Variants in LIPI observed in about 807,000 individuals in gnomAD.
LIPI encodes the protein lipase I, also known as lipase member I.
A neutral mutation model predicts 50.6 loss-of-function variants in LIPI; 59 were observed. That is an observed-to-expected ratio of 1.16 (90% CI 0.94 to 1.45). The LOEUF is 1.45. Ranked by LOEUF, LIPI falls within the 40% of genes most tolerant of loss-of-function variation. The probability of loss-of-function intolerance (pLI) is 0.00; values close to 1 mark genes in which losing one functional copy is unlikely to be tolerated. For synonymous variants in LIPI, 203 were observed against 178.2 expected, an observed-to-expected ratio of 1.14 and a Z score of -1.11; for missense variants, 586 against 536.3, an observed-to-expected ratio of 1.09 and a Z score of -0.92.
In LIPI at chr21:14,108,858, AT is replaced by A; in HGVS notation, c.*134del. 1 of 1,016,704 alleles carries A rather than the reference AT, an allele frequency of 9.8e-7. No individual in the cohort carries two copies. Among genetic ancestry groups the A allele is most frequent in the South Asian group, 1.5e-5 (1 of 68,116 alleles). 63.0% of individuals were successfully genotyped at this position (1,016,704 alleles called of 1,614,324 possible). ...GCATTTTTTATTTTCTTTATTTTTGATTCTTAAAATTTTTTCCAAGAAATAG... is the reference window on the plus strand; with the variant it reads ...GCATTTTTTATTTTCTTTATTTTTGATCTTAAAATTTTTTCCAAGAAATAG... On this transcript the variant is annotated 3_prime_UTR_variant, in exon 10 of 10. Transcript: ENST00000681601.
At chr21:14,175,765 G>C (rs1321376118) in intron 4 of LIPI, among the ~76,000 whole-genome samples, 1 of 152,082 alleles carries the variant, frequency 6.6e-6, no homozygotes, top group Admixed American at 6.6e-5. Context: ...AACAGAACCA[G>C]GTAATTACTG....
chr21:14,123,971 C>T (rs781669675), intron 9 of LIPI, among the ~76,000 whole-genome samples: 12 of 152,124 alleles, frequency 7.9e-5, no homozygotes, highest in Non-Finnish European at 1.5e-4. Context: ...TGCCAGAATG[C>T]GGAGGTTGGC....
intron 9 of LIPI, 189 bp downstream of exon 9, chr21:14,144,434 C>T: frequency 4.6e-6 from 2 of 430,478 alleles, no homozygotes; most frequent in Non-Finnish European, 8.4e-6. Context: ...AATGAGATTC[C>T]CAAATAAATT....
At chr21:14,168,785 G>A (rs2018786157) in intron 4 of LIPI, among the ~76,000 whole-genome samples, 1 of 152,118 alleles carries the variant, frequency 6.6e-6, no homozygotes, top group Admixed American at 6.6e-5. Flanking sequence ...AGACCACTGA[G>A]GCTAGGAAGA....
chr21:14,189,644 A>C (rs1404188263), intron 1 of LIPI, among the ~76,000 whole-genome samples: 1 of 152,218 alleles, frequency 6.6e-6, no homozygotes, highest in Non-Finnish European at 1.5e-5. Context: ...TGGTTAAAAA[A>C]TTAAGAAGAG....
At chr21:14,172,832 A>T (rs1313338336) in intron 4 of LIPI, among the ~76,000 whole-genome samples, 1 of 152,154 alleles carries the variant, frequency 6.6e-6, no homozygotes, top group East Asian at 1.9e-4. Flanking sequence ...TAACCTGCAC[A>T]TTGTGCACAT....
At chr21:14,146,065 G>T (rs896064296) in intron 8 of LIPI, among the ~76,000 whole-genome samples, 1 of 152,136 alleles carries the variant, frequency 6.6e-6, no homozygotes, top group East Asian at 1.9e-4. Flanking sequence ...AGATAGGAAT[G>T]TGTTATCTTT....
intron 7 of LIPI, among the ~76,000 whole-genome samples, chr21:14,153,705 C>T (rs2822435): frequency 0.17 from 26,605 of 152,058 alleles, 2,378 homozygotes; most frequent in Middle Eastern, 0.21. Context: ...GAAGTGTCAA[C>T]CTCCATGCAG....
At chr21:14,189,790 C>T (rs1310023453) in intron 1 of LIPI, among the ~76,000 whole-genome samples, 2 of 151,920 alleles carry the variant, frequency 1.3e-5, no homozygotes, top group Non-Finnish European at 2.9e-5. Flanking sequence ...AGTCCTTGTA[C>T]AATAAGCATT....
intron 6 of LIPI, 66 bp from the exon 7 acceptor site, chr21:14,163,589 T>G: frequency 1.2e-6 from 1 of 811,122 alleles, no homozygotes; most frequent in Middle Eastern, 2.3e-4. Flanking sequence ...GTCAAATCAC[T>G]AAAGTAACTA....
chr21:14,199,606 CAA>C (rs199532907), intron 1 of LIPI, among the ~76,000 whole-genome samples: 2 of 137,472 alleles, frequency 1.5e-5, no homozygotes, highest in Admixed American at 7.3e-5. Context: ...GCCTACCAAC[CAA>C]AAAAAAAAAG....
chr21:14,195,479 T>C (rs1356652993), intron 1 of LIPI, among the ~76,000 whole-genome samples: 1 of 152,160 alleles, frequency 6.6e-6, no homozygotes, highest in African/African-American at 2.4e-5. Context: ...AGAGTCATCC[T>C]CCTTCTCTCA....
At position 14,189,437 on chromosome 21, in the gene LIPI, CAGTCAAGCTG is replaced by C. The variant is rs775498565; in HGVS notation, c.47-28_47-19del. On this transcript the variant is annotated intron_variant, in intron 1 of 9. Transcript: ENST00000681601. ...TTTATTATCTGAAATAAGAAAATGT[CAGTCAAGCTG>C]AGTACTGGGATAGTATTTTATTCCT... The C allele has an allele frequency of 6.2e-7, 1 of 1,608,404 alleles. No individual in the cohort carries two copies. Among genetic ancestry groups the C allele is most frequent in the Non-Finnish European group, 8.5e-7 (1 of 1,175,546 alleles).
chr21:14,194,496 A>G (rs988916724), intron 1 of LIPI, among the ~76,000 whole-genome samples: 4 of 152,290 alleles, frequency 2.6e-5, no homozygotes, highest in South Asian at 2.1e-4. Context: ...ACATACTACA[A>G]TAAGAATAAC....
At chr21:14,161,848 TTATTATATATAATTACATATA>T (rs1456821507) in intron 7 of LIPI, among the ~76,000 whole-genome samples, 2,228 of 120,646 alleles carry the variant, frequency 0.018, 220 homozygotes, top group Admixed American at 0.025. Context: ...AATATATACA[TTATTATATATAATTACATATA>T]ATATAACATA....
intron 9 of LIPI, among the ~76,000 whole-genome samples, chr21:14,124,216 G>A (rs754457519): frequency 3.3e-5 from 5 of 152,046 alleles, no homozygotes; most frequent in Non-Finnish European, 5.9e-5. Flanking sequence ...AATACCAACC[G>A]ATCCCCTGGG....
intron 9 of LIPI, among the ~76,000 whole-genome samples, chr21:14,118,650 G>A (rs8131606): frequency 1 from 152,033 of 152,322 alleles, 75,872 homozygotes; most frequent in Middle Eastern, 1. Context: ...GAGTATGGAA[G>A]AAGATATAGT....
intron 8 of LIPI, among the ~76,000 whole-genome samples, chr21:14,146,500 C>T (rs1281840788): frequency 6.6e-6 from 1 of 151,990 alleles, no homozygotes; most frequent in Non-Finnish European, 1.5e-5. Flanking sequence ...AACTATAAAC[C>T]TTCAAACCCA....
chr21:14,121,938 G>A (rs561668027), intron 9 of LIPI, among the ~76,000 whole-genome samples: 30 of 152,346 alleles, frequency 2.0e-4, no homozygotes, highest in African/African-American at 7.0e-4. Context: ...CACACAACAG[G>A]AAGCTGACTA....
Sources: allele counts gnomAD v4.1 joint callset (sites outside exome capture counted in the v4.1 genomes callset), GRCh38; gene constraint gnomAD v4.1.1; transcripts MANE v1.5; gene names NCBI Gene and HGNC (gene_info 2026-07-23, HGNC 2026-07-21).